RASGRF2: variants seen among roughly 807,000 people sequenced by gnomAD.
RASGRF2 encodes ras-specific guanine nucleotide-releasing factor 2.
A neutral mutation model predicts 151.0 loss-of-function variants in RASGRF2; 76 were observed. The ratio of observed to expected loss-of-function variants is 0.50; its 90% CI spans 0.42 to 0.61. RASGRF2 has a LOEUF of 0.61. RASGRF2 is among the 20% of genes least tolerant of loss of function. The pLI, the probability that RASGRF2 is intolerant of heterozygous loss-of-function variation, is 0.00. For missense variants in RASGRF2, 1,148 were observed against 1,564.6 expected (o/e 0.73, Z 4.49); for synonymous variants, 504 against 566.5 (o/e 0.89, Z 1.57).
chr5:80,968,857 A>AT (rs200769526), intron 1 of RASGRF2, among the ~76,000 whole-genome samples: 15 of 150,242 alleles, frequency 1.0e-4, no homozygotes, highest in East Asian at 2.0e-4. Context: ...CTAATTATTT[A>AT]TTTTTTTTTG....
At chr5:81,114,054 T>G in intron 15 of RASGRF2, 134 bp downstream of exon 15, 16 of 1,152,682 alleles carry the variant, frequency 1.4e-5, no homozygotes, top group Non-Finnish European at 1.8e-5. Context: ...ATGAGCTCAA[T>G]GGTTAGTTAG....
In RASGRF2 at chr5:81,073,244, A is replaced by G; in HGVS notation, c.679A>G (p.Thr227Ala). Reference protein sequence around the residue: ...RGWLCRRKWKTIVQDYICSPH... With the variant: ...RGWLCRRKWKAIVQDYICSPH... ...ATGGTTGTGCAGAAGGAAATGGAAG[A>G]CCATCGTGCAGGATTACATTTGTTC... Residue 227 changes from threonine (T) to alanine (A), a missense_variant, in exon 5 of 27, where the codon ACC (threonine) becomes GCC (alanine). By Grantham distance (58) the Thr-to-Ala change is moderately conservative. This residue lies in a region of RASGRF2 where 176 missense variants were observed against 309.6 expected (regional missense o/e 0.57). Transcript: ENST00000265080. The G allele has an allele frequency of 6.2e-7, 1 of 1,614,072 alleles. No individual in the cohort carries two copies. The highest frequency in any genetic ancestry group is 2.2e-5 in the East Asian group (1 of 44,884).
chr5:81,135,147 A>AAT (rs1043528703), intron 17 of RASGRF2, among the ~76,000 whole-genome samples: 2 of 151,194 alleles, frequency 1.3e-5, no homozygotes, highest in African/African-American at 4.9e-5. Flanking sequence ...TTTCTACCAA[A>AAT]AAAAAAAAAA....
chr5:80,968,349 T>C (rs1747790601), intron 1 of RASGRF2, among the ~76,000 whole-genome samples: 1 of 132,252 alleles, frequency 7.6e-6, no homozygotes, highest in Non-Finnish European at 1.6e-5. Flanking sequence ...TCTGTCTCCA[T>C]GTGTACATTT....
intron 1 of RASGRF2, among the ~76,000 whole-genome samples, chr5:81,031,765 G>C (rs912038162): frequency 1.4e-3 from 210 of 152,108 alleles, no homozygotes; most frequent in African/African-American, 3.4e-3. Flanking sequence ...CAAACACATT[G>C]AAAAGCCAGC....
intron 1 of RASGRF2, among the ~76,000 whole-genome samples, chr5:81,023,802 C>T (rs550996649): frequency 6.6e-6 from 1 of 152,278 alleles, no homozygotes; most frequent in Non-Finnish European, 1.5e-5. Context: ...TTAAGTGTTT[C>T]CTCTCCCCAT....
chr5:81,129,516 G>A (rs1440682188), intron 17 of RASGRF2, among the ~76,000 whole-genome samples: 1 of 152,128 alleles, frequency 6.6e-6, no homozygotes, highest in African/African-American at 2.4e-5. Context: ...TTTGCCATAT[G>A]TGCTTCACTG....
intron 17 of RASGRF2, among the ~76,000 whole-genome samples, chr5:81,178,387 C>T (rs1754831784): frequency 6.6e-6 from 1 of 152,064 alleles, no homozygotes; most frequent in South Asian, 2.1e-4. Context: ...GGTGTAAAGG[C>T]CATTGGTTAT....
At chr5:81,216,601 A>G (rs1262945598) in intron 24 of RASGRF2, among the ~76,000 whole-genome samples, 5 of 152,252 alleles carry the variant, frequency 3.3e-5, no homozygotes, top group African/African-American at 4.8e-5. Context: ...GACAGGTTTC[A>G]TGCTAAGTGC....
chr5:81,188,759 G>C (rs908643495), intron 18 of RASGRF2, among the ~76,000 whole-genome samples: 2 of 152,196 alleles, frequency 1.3e-5, no homozygotes, highest in Non-Finnish European at 2.9e-5. Context: ...TGGAAGCTCA[G>C]ACTGAACCAT....
At chr5:81,022,961 G>A (rs1249938972) in intron 1 of RASGRF2, among the ~76,000 whole-genome samples, 1 of 152,186 alleles carries the variant, frequency 6.6e-6, no homozygotes, top group African/African-American at 2.4e-5. Context: ...AAATGGGCAA[G>A]GGCTGATAAG....
At position 81,214,278 on chromosome 5, in the gene RASGRF2, T is replaced by G. The variant is rs78922534; in HGVS notation, c.3355-1598T>G. Among the ~76,000 whole-genome samples the G allele has an allele frequency of 3.5e-3, 540 of 152,348 alleles. 20 individuals carry two copies. The East Asian group carries it at 0.09, about 25-fold the overall frequency. On this transcript the variant is annotated intron_variant, in intron 23 of 26. Coordinates refer to ENST00000265080, the MANE Select transcript of RASGRF2 (RefSeq NM_006909.3). ...ATAAAATATTAGCATTTCAGTCACA[T>G]TATAGGTCACTCACAGTGGCCTTAG...
intron 17 of RASGRF2, among the ~76,000 whole-genome samples, chr5:81,147,599 T>G (rs981837465): frequency 6.6e-6 from 1 of 152,200 alleles, no homozygotes; most frequent in Non-Finnish European, 1.5e-5. Flanking sequence ...ATGTGTGTGT[T>G]TTTTAAAATA....
chr5:80,983,407 G>A (rs1231683408), intron 1 of RASGRF2, among the ~76,000 whole-genome samples: 2 of 152,218 alleles, frequency 1.3e-5, no homozygotes, highest in African/African-American at 2.4e-5. Context: ...CTGGGATCTG[G>A]TGAAACTGAT....
chr5:81,049,102 C>T (rs1485598114), intron 2 of RASGRF2, among the ~76,000 whole-genome samples: 3 of 146,346 alleles, frequency 2.0e-5, no homozygotes, highest in Non-Finnish European at 3.0e-5. Context: ...CTTCAACTTT[C>T]TGTTCATATT....
At chr5:81,157,835 T>A (rs1222605338) in intron 17 of RASGRF2, among the ~76,000 whole-genome samples, 3 of 152,166 alleles carry the variant, frequency 2.0e-5, no homozygotes, top group African/African-American at 7.2e-5. Context: ...GCCCCTGTGA[T>A]TCACTTATCT....
At chr5:81,048,643 A>G (rs1750912322) in intron 2 of RASGRF2, among the ~76,000 whole-genome samples, 1 of 152,152 alleles carries the variant, frequency 6.6e-6, no homozygotes, top group African/African-American at 2.4e-5. Context: ...CCCCGTCCTC[A>G]TGCGCACACC....
chr5:81,049,906 C>G (rs1226865631), intron 2 of RASGRF2, among the ~76,000 whole-genome samples: 1 of 152,158 alleles, frequency 6.6e-6, no homozygotes, highest in Non-Finnish European at 1.5e-5. Flanking sequence ...ATTGAACTAT[C>G]TATATATCAT....
At chr5:81,152,561 C>T (rs1489712129) in intron 17 of RASGRF2, among the ~76,000 whole-genome samples, 2 of 151,744 alleles carry the variant, frequency 1.3e-5, no homozygotes, top group African/African-American at 2.4e-5. Flanking sequence ...TGACTTTATC[C>T]TAGATGTAGA....
Sources: allele counts gnomAD v4.1 joint callset (sites outside exome capture counted in the v4.1 genomes callset), GRCh38; gene constraint gnomAD v4.1.1; regional missense constraint gnomAD v4.1.1; transcripts MANE v1.5; gene names NCBI Gene and HGNC (gene_info 2026-07-23, HGNC 2026-07-21).